AGTPBP1: variants seen among roughly 807,000 people sequenced by gnomAD.
AGTPBP1 encodes cytosolic carboxypeptidase 1.
Under a neutral mutation model 143.9 loss-of-function variants are expected in AGTPBP1, and 70 were observed. That is an observed-to-expected ratio of 0.49 (90% CI 0.40 to 0.59). The LOEUF (loss-of-function observed/expected upper bound fraction) is 0.59. AGTPBP1 is among the 20% of genes least tolerant of loss of function. The probability of loss-of-function intolerance (pLI) is 0.00; values close to 1 mark genes in which losing one functional copy is unlikely to be tolerated. For missense variants in AGTPBP1, 1,229 were observed against 1,464.5 expected (o/e 0.84, Z 2.62); for synonymous variants, 463 against 500.2 (o/e 0.93, Z 0.99).
At chr9:85,795,840 TTTC>T in the AGTPBP1 span, among the ~76,000 whole-genome samples, 100 of 150,970 alleles carry the variant, frequency 6.6e-4, no homozygotes, top group Admixed American at 1.6e-3. Flanking sequence ...TTTTTATCCC[TTTC>T]TTCTTCTTCT....
At position 85,620,799 on chromosome 9, in the gene AGTPBP1, G is replaced by A. The variant is rs778060430; in HGVS notation, c.2099+403C>T. On this transcript the variant is annotated intron_variant, in intron 15 of 25. Coordinates refer to ENST00000357081, the MANE Select transcript of AGTPBP1 (RefSeq NM_001330701.2). Reference sequence around the variant, plus strand: ...AGAAGGATCAAGCAGATGCTCCTTCGAAAGGGATGGTAATTTGTTATCCTA... The same window carrying A: ...AGAAGGATCAAGCAGATGCTCCTTCAAAAGGGATGGTAATTTGTTATCCTA... Among the ~76,000 whole-genome samples the A allele has an allele frequency of 1.2e-4, 18 of 152,266 alleles. No individual in the cohort carries two copies. The East Asian group carries it at 1.9e-3, about 16-fold the overall frequency.
chr9:85,672,058 T>C (rs1290368638), intron 7 of AGTPBP1, among the ~76,000 whole-genome samples: 1 of 152,070 alleles, frequency 6.6e-6, no homozygotes, highest in Non-Finnish European at 1.5e-5. Flanking sequence ...TGTTCAAGGT[T>C]TTACCAACTT....
At chr9:85,682,968 C>T (rs1161591979) in intron 3 of AGTPBP1, among the ~76,000 whole-genome samples, 1 of 152,130 alleles carries the variant, frequency 6.6e-6, no homozygotes, top group African/African-American at 2.4e-5. Flanking sequence ...AATAAATATG[C>T]TGGAGAGTAC....
intron 24 of AGTPBP1, 35 bp downstream of exon 24, chr9:85,578,885 T>G (rs773491780): frequency 6.3e-7 from 1 of 1,595,206 alleles, no homozygotes; most frequent in Non-Finnish European, 8.5e-7. Flanking sequence ...AGTCTTCAAA[T>G]ATCTTTCATG....
At chr9:85,692,627 T>C (rs1835953997) in intron 3 of AGTPBP1, 62 bp downstream of exon 3, 3 of 1,567,016 alleles carry the variant, frequency 1.9e-6, no homozygotes, top group African/African-American at 2.7e-5. Flanking sequence ...TGAACATTTT[T>C]AGCATCCACT....
chr9:85,671,987 A>G (rs1457311889), intron 7 of AGTPBP1, among the ~76,000 whole-genome samples: 1 of 152,036 alleles, frequency 6.6e-6, no homozygotes, highest in Non-Finnish European at 1.5e-5. Context: ...CATCTTTTCT[A>G]CAGGCTGCCT....
chr9:85,796,976 AG>A, the AGTPBP1 span, among the ~76,000 whole-genome samples: 290 of 151,920 alleles, frequency 1.9e-3, 9 homozygotes, highest in East Asian at 0.051. Context: ...TAGTAGAGAC[AG>A]GGTTTCACCG....
chr9:85,642,028 T>C (rs62569168), intron 13 of AGTPBP1, among the ~76,000 whole-genome samples: 2,546 of 152,142 alleles, frequency 0.017, 24 homozygotes, highest in Middle Eastern at 0.054. Context: ...TTCTCACCTA[T>C]AACCTCACAA....
At chr9:85,701,406 T>C (rs1191186597) in intron 2 of AGTPBP1, among the ~76,000 whole-genome samples, 1 of 151,540 alleles carries the variant, frequency 6.6e-6, no homozygotes, top group Non-Finnish European at 1.5e-5. Flanking sequence ...ATTTTTGTAT[T>C]TCTAGTAGAG....
In AGTPBP1 at chr9:85,704,435, G is replaced by A. The variant is rs185194094; in HGVS notation, c.32+8067C>T. Among the ~76,000 whole-genome samples, 151 of 152,288 alleles carry A rather than the reference G, an allele frequency of 9.9e-4. 1 individual carries two copies. The Middle Eastern group carries it at 0.01, about 10-fold the overall frequency. ...AATACTGCTAGGTAATCACAGGACA[G>A]GGAATTGTGTCTGATCCCACCAATC... On this transcript the variant is annotated intron_variant, in intron 2 of 25. Transcript: ENST00000357081.
rs375367678 is a variant in AGTPBP1 at position 85,549,368 on chromosome 9, T to G, written c.3504-2082A>C. ...ACACAAAATCCATGTGTTGGGTAGC[T>G]GGGCAGGGAAGCACGCATCGTTCAA... On this transcript the variant is annotated intron_variant, in intron 25 of 25. Transcript: ENST00000357081. Among the ~76,000 whole-genome samples, 7 of 152,260 alleles carry G rather than the reference T, an allele frequency of 4.6e-5. No homozygotes were observed. The East Asian group carries it at 1.4e-3, about 29-fold the overall frequency.
At chr9:85,583,384 T>C (rs938015255) in intron 23 of AGTPBP1, among the ~76,000 whole-genome samples, 1 of 152,096 alleles carries the variant, frequency 6.6e-6, no homozygotes, top group African/African-American at 2.4e-5. Flanking sequence ...ACCCTGGAAA[T>C]GTAAGAAGCT....
Position 85,692,952 on chromosome 9 carries a change from T to C in AGTPBP1, c.33-139A>G, listed in dbSNP as rs73478995. On this transcript the variant is annotated intron_variant, in intron 2 of 25. Coordinates refer to ENST00000357081, the MANE Select transcript of AGTPBP1 (RefSeq NM_001330701.2). ...CACGTCGCACTTCCTTACTCTGTTC[T>C]ATAGCTTAATATAGCTTAATATTGT... is the stretch of plus-strand genomic sequence containing the variant. The C allele has an allele frequency of 2.9e-3, 2,130 of 741,070 alleles. 22 individuals are homozygous for C. The African/African-American group carries it at 0.035, about 12-fold the overall frequency. 45.9% of individuals were successfully genotyped at this position (741,070 alleles called of 1,614,324 possible). A position where few individuals can be genotyped will look rare whatever the true frequency, so the allele number is the denominator to read the frequency against.
the AGTPBP1 span, among the ~76,000 whole-genome samples, chr9:85,792,782 GCTTTATCAAA>G: frequency 6.6e-6 from 1 of 152,052 alleles, no homozygotes; most frequent in African/African-American, 2.4e-5. Context: ...TCAAATAAAT[GCTTTATCAAA>G]TGAAAGCACT....
At chr9:85,734,831 G>A (rs1839133149) in intron 1 of AGTPBP1, among the ~76,000 whole-genome samples, 1 of 151,900 alleles carries the variant, frequency 6.6e-6, no homozygotes, top group Admixed American at 6.6e-5. Flanking sequence ...CAGGAGACAG[G>A]GACCATCCTG....
intron 17 of AGTPBP1, among the ~76,000 whole-genome samples, chr9:85,602,719 C>A (rs117689980): frequency 6.6e-6 from 1 of 152,014 alleles, no homozygotes; most frequent in African/African-American, 2.4e-5. Flanking sequence ...TTTTTAAGAA[C>A]CAAAAATTAG....
chr9:85,756,954 T>C, the AGTPBP1 span, among the ~76,000 whole-genome samples: 189 of 145,486 alleles, frequency 1.3e-3, 1 homozygote, highest in African/African-American at 4.7e-3. Flanking sequence ...GGTGGGGGAT[T>C]GGGCGGGGGA....
chr9:85,578,234 A>T (rs1828017364), intron 24 of AGTPBP1, among the ~76,000 whole-genome samples: 1 of 152,240 alleles, frequency 6.6e-6, no homozygotes, highest in African/African-American at 2.4e-5. Context: ...TTAAATTCTA[A>T]TTATCTCCAG....
At chr9:85,640,845 C>T (rs1832414906) in intron 13 of AGTPBP1, among the ~76,000 whole-genome samples, 1 of 152,224 alleles carries the variant, frequency 6.6e-6, no homozygotes. Context: ...ATCAAAACTA[C>T]AATCTGTAAT....
Sources: allele counts gnomAD v4.1 joint callset (sites outside exome capture counted in the v4.1 genomes callset), GRCh38; gene constraint gnomAD v4.1.1; transcripts MANE v1.5; gene names NCBI Gene and HGNC (gene_info 2026-07-23, HGNC 2026-07-21).